The following HHATL variants were observed in gnomAD, a reference collection of about 807,000 sequenced individuals.
The protein encoded by HHATL is protein-cysteine N-palmitoyltransferase HHAT-like protein.
Under a neutral mutation model 59.7 loss-of-function variants are expected in HHATL, and 49 were observed. The ratio of observed to expected loss-of-function variants is 0.82; its 90% CI spans 0.65 to 1.04. The LOEUF is 1.04. Ranked by LOEUF, HHATL falls within the 50% of genes least tolerant of loss-of-function variation. The pLI, the probability that HHATL is intolerant of heterozygous loss-of-function variation, is 0.00. For missense variants in HHATL, 605 were observed against 650.8 expected (o/e 0.93, Z 0.77); for synonymous variants, 238 against 257.3 (o/e 0.93, Z 0.72).
chr3:42,695,909 C>A (rs908072986), intron 9 of HHATL, among the ~76,000 whole-genome samples: 1 of 152,158 alleles, frequency 6.6e-6, no homozygotes, highest in South Asian at 2.1e-4. Flanking sequence ...TTGAATAATT[C>A]TTCTTAGCAT....
Position 42,697,142 on chromosome 3 carries a change from C to A in HHATL, c.869G>T (p.Gly290Val). ...ANRLPDSALAGLAYSNLVYDW... is the reference protein window; with the variant it reads ...ANRLPDSALAVLAYSNLVYDW... ...ATACACCAGGTTTGAATAGGCTAGG[C>A]CAGCTGGGGGCAGGGCACTGTCACT... is the stretch of plus-strand genomic sequence containing the variant. Residue 290 changes from glycine to valine, a missense_variant, in exon 8 of 12, where the codon GGC (glycine) becomes GTC (valine). Gly to Val is a moderately radical substitution (Grantham distance 109, BLOSUM62 -3). Coordinates refer to ENST00000441594, the MANE Select transcript of HHATL (RefSeq NM_020707.4). The A allele has an allele frequency of 6.6e-7, 1 of 1,525,838 alleles. No homozygotes were observed. The highest frequency in any genetic ancestry group is 8.8e-7 in the Non-Finnish European group (1 of 1,135,914). The allele number at this position is 1,525,838 out of a possible 1,614,324, so 94.5% of individuals were successfully genotyped here. A position where few individuals can be genotyped will look rare whatever the true frequency, so the allele number is the denominator to read the frequency against.
rs546274629 is a variant in HHATL, at chr3:42,701,575, TGGGGCCAGGCGGGGCCAGGC to T, written c.-13-756_-13-737del. The T allele has an allele frequency of 2.6e-5, 4 of 152,510 alleles. No individual in the cohort carries two copies. Among genetic ancestry groups the T allele is most frequent in the East Asian group, 1.9e-4 (1 of 5,154 alleles). 9.4% of individuals were successfully genotyped at this position (152,510 alleles called of 1,614,324 possible). ...AGGAGGTGCCCAGGAGTAGCGGATG[TGGGGCCAGGCGGGGCCAGGC>T]GGGGCCAGGGAGGGCACTGGCTGCT... On this transcript the variant is annotated intron_variant, in intron 1 of 11. Transcript: ENST00000441594. This position sits in a 1 kb window ranked among gnomAD's most constrained non-coding sequence, Gnocchi z 5.1.
In HHATL at chr3:42,701,342, A is replaced by C; in HGVS notation, c.-13-503T>G. ...CTCCCACTCCCCTCCCTGAGATCCC[A>C]TGACCACCCCAGGTGCTGCCCCTAG... is the stretch of plus-strand genomic sequence containing the variant. On this transcript the variant is annotated intron_variant, in intron 1 of 11. Transcript: ENST00000441594. The surrounding 1 kb of genome is among the most constrained non-coding windows in gnomAD (Gnocchi z 5.1). 6.5e-6 allele frequency: 1 copy of C among 154,294 alleles called. No homozygotes were observed. Among genetic ancestry groups the C allele is most frequent in the South Asian group, 2.0e-4 (1 of 5,022 alleles). 9.6% of individuals were successfully genotyped at this position (154,294 alleles called of 1,614,324 possible).
rs1398964084 is a variant in HHATL, at chr3:42,699,755, T to C, written c.174+3A>G. On this transcript the variant is annotated splice_donor_region_variant and intron_variant, in intron 3 of 11. Coordinates refer to ENST00000441594, the MANE Select transcript of HHATL (RefSeq NM_020707.4). Reference sequence around the variant, plus strand: ...GAGGGACCCTGGGATGTGGGGGACCTACCATCTTCCGGCCAATGTACTCCC... The same window carrying C: ...GAGGGACCCTGGGATGTGGGGGACCCACCATCTTCCGGCCAATGTACTCCC... 1.3e-6 allele frequency: 2 copies of C among 1,577,444 alleles called. No individual in the cohort carries two copies. The highest frequency in any genetic ancestry group is 1.2e-5 in the South Asian group (1 of 85,958).
rs546274629 is a variant in HHATL, at chr3:42,701,575, T to TGGGGCCAGGCGGGGCCAGGC, written c.-13-756_-13-737dup. On this transcript the variant is annotated intron_variant, in intron 1 of 11. Coordinates refer to ENST00000441594, the MANE Select transcript of HHATL (RefSeq NM_020707.4). The surrounding 1 kb of genome is among the most constrained non-coding windows in gnomAD (Gnocchi z 5.1). ...AGGAGGTGCCCAGGAGTAGCGGATG[T>TGGGGCCAGGCGGGGCCAGGC]GGGGCCAGGCGGGGCCAGGCGGGGC... The TGGGGCCAGGCGGGGCCAGGC allele has an allele frequency of 1.3e-5, 2 of 152,510 alleles. No homozygotes were observed. Among genetic ancestry groups the TGGGGCCAGGCGGGGCCAGGC allele is most frequent in the Non-Finnish European group, 2.9e-5 (2 of 68,368 alleles). 9.4% of individuals were successfully genotyped at this position (152,510 alleles called of 1,614,324 possible).
At position 42,698,404 on chromosome 3, in the gene HHATL, G is replaced by A. The variant is rs758379867; in HGVS notation, c.484-53C>T. Reference sequence around the variant, plus strand: ...CTCACTAGGGTGCCTCCTGTCTCTGGAAAACCTATTCCCCACTCCCTAGCT... The same window carrying A: ...CTCACTAGGGTGCCTCCTGTCTCTGAAAAACCTATTCCCCACTCCCTAGCT... On this transcript the variant is annotated intron_variant, in intron 5 of 11. Transcript: ENST00000441594. The A allele has an allele frequency of 1.2e-4, 179 of 1,539,384 alleles. 1 individual carries two copies. The highest frequency in any genetic ancestry group is 1.6e-4 in the Non-Finnish European group (174 of 1,121,802).
intron 11 of HHATL, 91 bp downstream of exon 11, chr3:42,692,986 G>T: frequency 1.9e-6 from 3 of 1,587,812 alleles, no homozygotes; most frequent in East Asian, 2.2e-5. Flanking sequence ...AGTCCCAGGG[G>T]TGATGAGGGA....
intron 1 of HHATL, among the ~76,000 whole-genome samples, chr3:42,702,356 C>T (rs1315873663): frequency 6.6e-6 from 1 of 152,260 alleles, no homozygotes; most frequent in Non-Finnish European, 1.5e-5. Flanking sequence ...CCCAGTGAGG[C>T]CTCTGCAAGG....
chr3:42,693,811 A>G lies in HHATL; in HGVS notation c.1054T>C (p.Tyr352His). The change falls in exon 10 of 12, where the codon TAT becomes CAT. Residue 352 changes from tyrosine (Y) to histidine (H), a missense_variant. Coordinates refer to ENST00000441594, the MANE Select transcript of HHATL (RefSeq NM_020707.4). ...GAATGCTCCCCACCAATGTGGTTAT[A>G]CACATATCTGCAGGAAAGATGGGAG... Reference protein sequence around the residue: ...GINDWLCKYVYNHIGGEHSAV... With the variant: ...GINDWLCKYVHNHIGGEHSAV... The G allele has an allele frequency of 6.2e-7, 1 of 1,613,484 alleles. No homozygotes were observed. Among genetic ancestry groups the G allele is most frequent in the South Asian group, 1.1e-5 (1 of 91,060 alleles).
intron 9 of HHATL, among the ~76,000 whole-genome samples, chr3:42,694,831 AC>A (rs1257794819): frequency 6.6e-6 from 1 of 152,166 alleles, no homozygotes; most frequent in Non-Finnish European, 1.5e-5. Flanking sequence ...AGAAGCTTCT[AC>A]CCTGTTGTCA....
intron 9 of HHATL, 40 bp downstream of exon 9, chr3:42,696,802 G>A: frequency 1.2e-6 from 2 of 1,609,166 alleles, no homozygotes. Context: ...CAGACACCTG[G>A]CAGGATGGCT....
At chr3:42,702,122 C>A (rs924353251) in intron 1 of HHATL, among the ~76,000 whole-genome samples, 1 of 152,224 alleles carries the variant, frequency 6.6e-6, no homozygotes, top group Non-Finnish European at 1.5e-5. Context: ...ACCACCACTG[C>A]CCCTGCCCAC....
At chr3:42,698,120 A>C in intron 6 of HHATL, 22 bp downstream of exon 6, 5 of 1,607,786 alleles carry the variant, frequency 3.1e-6, no homozygotes, top group Non-Finnish European at 4.3e-6. Flanking sequence ...CTGTTCTAGA[A>C]GCCCACAGGG....
chr3:42,700,885 C>CT (rs1426810753), intron 1 of HHATL, 46 bp from the exon 2 acceptor site: 10 of 1,329,962 alleles, frequency 7.5e-6, no homozygotes, highest in East Asian at 2.3e-5. Context: ...CCAGCCAAGC[C>CT]TAGCCCCACC....
intron 10 of HHATL, 50 bp from the exon 11 acceptor site, chr3:42,693,268 G>A: frequency 6.2e-7 from 1 of 1,605,022 alleles, no homozygotes; most frequent in Non-Finnish European, 8.5e-7. Flanking sequence ...CCAAAGGAAA[G>A]AGGACATGGT....
rs775537556 is a variant in HHATL, at chr3:42,693,743, G to A, written c.1122C>T (p.Ala374=). The change falls in exon 10 of 12, where the codon GCC becomes GCT. Residue 374 remains alanine, a synonymous_variant. Coordinates refer to ENST00000441594, the MANE Select transcript of HHATL (RefSeq NM_020707.4). ...AAGGCCCAAGCCACAGTGTGGTGAT[G>A]GCAAATGTGGCCACTGTGGCTGCCA... is the stretch of plus-strand genomic sequence containing the variant. ...PELAATVATF[A]ITTLWLGPCD... is the part of the protein sequence containing the mutation. The A allele has an allele frequency of 6.2e-7, 1 of 1,614,174 alleles. No individual in the cohort carries two copies. Among genetic ancestry groups the A allele is most frequent in the East Asian group, 2.2e-5 (1 of 44,880 alleles).
chr3:42,693,656 C>T lies in HHATL; in HGVS notation c.1209G>A (p.Met403Ile). 1.2e-6 allele frequency: 2 copies of T among 1,614,076 alleles called. No individual in the cohort carries two copies. The highest frequency in any genetic ancestry group is 8.5e-7 in the Non-Finnish European group (1 of 1,179,992). ...GGGGCCCCCACTCTGCCAGTTTTTG[C>T]ATCCAGAGCTCAAAGTTGAGGCCAA... ...NCFGLNFELW[M>I]QKLAEWGPLA... The change falls in exon 10 of 12, where the codon ATG becomes ATA. Residue 403 changes from methionine to isoleucine, a missense_variant. Physicochemically the swap from Met to Ile is conservative, Grantham distance 10. Coordinates refer to ENST00000441594, the MANE Select transcript of HHATL (RefSeq NM_020707.4).
chr3:42,699,230 C>T, intron 3 of HHATL, 85 bp from the exon 4 acceptor site: 2 of 749,430 alleles, frequency 2.7e-6, no homozygotes, highest in Non-Finnish European at 4.7e-6. Context: ...CTGGTCAGAG[C>T]CCCAGCACCT....
intron 3 of HHATL, 110 bp from the exon 4 acceptor site, chr3:42,699,255 G>A: frequency 1.9e-6 from 1 of 538,924 alleles, no homozygotes; most frequent in Non-Finnish European, 3.3e-6. Flanking sequence ...CAGCCTTCAT[G>A]TTCTTCTTTT....
Sources: gnomAD v4.1 joint callset for allele counts (sites outside exome capture counted in the v4.1 genomes callset) on GRCh38, gnomAD v4.1.1 for gene constraint, Gnocchi (gnomAD v3.1) non-coding constraint, MANE v1.5 for transcripts, NCBI Gene and HGNC (gene_info 2026-07-23, HGNC 2026-07-21) for gene names.